The following AKR1C8 variants were observed in gnomAD, a reference collection of about 807,000 sequenced individuals.
AKR1C8 encodes aldo-keto reductase family 1 member C-like protein 1.
At chr10:5,132,128 G>A in the AKR1C8 span, among the ~76,000 whole-genome samples, 1 of 152,160 alleles carries the variant, frequency 6.6e-6, no homozygotes, top group African/African-American at 2.4e-5. Flanking sequence ...ACTAAGCTAT[G>A]AGGATGTAAA....
chr10:5,127,484 C>T, the AKR1C8 span, among the ~76,000 whole-genome samples: 2 of 151,946 alleles, frequency 1.3e-5, no homozygotes, highest in Non-Finnish European at 2.9e-5. Flanking sequence ...TTTGGGAGGC[C>T]AAGCTGGGTG....
chr10:5,158,573 A>C, the AKR1C8 span: 1 of 436,284 alleles, frequency 2.3e-6, no homozygotes, highest in Non-Finnish European at 4.8e-6. Flanking sequence ...TTCCCGCCAT[A>C]GGTTAACTCT....
At chr10:5,140,330 A>G in the AKR1C8 span, among the ~76,000 whole-genome samples, 4 of 149,920 alleles carry the variant, frequency 2.7e-5, no homozygotes, top group East Asian at 5.9e-4. Context: ...TCATGCTACT[A>G]TAAAGACACA....
the AKR1C8 span, among the ~76,000 whole-genome samples, chr10:5,172,267 T>A: frequency 1.3e-5 from 2 of 152,142 alleles, no homozygotes. Context: ...CACAGTCAAT[T>A]TCTGATATGC....
At chr10:5,176,812 T>A in the AKR1C8 span, among the ~76,000 whole-genome samples, 8 of 152,174 alleles carry the variant, frequency 5.3e-5, no homozygotes, top group Admixed American at 2.0e-4. Flanking sequence ...TGCTTGTGAT[T>A]TTTGTACATT....
chr10:5,164,630 A>C, the AKR1C8 span, among the ~76,000 whole-genome samples: 1 of 152,044 alleles, frequency 6.6e-6, no homozygotes, highest in African/African-American at 2.4e-5. Context: ...CCAGCCTTAC[A>C]AGACTCAGGG....
the AKR1C8 span, among the ~76,000 whole-genome samples, chr10:5,172,799 T>A: frequency 6.6e-6 from 1 of 152,120 alleles, no homozygotes; most frequent in South Asian, 2.1e-4. Flanking sequence ...TTATTTTCCT[T>A]AGGACAATTA....
At chr10:5,139,590 C>A in the AKR1C8 span, among the ~76,000 whole-genome samples, 1 of 152,144 alleles carries the variant, frequency 6.6e-6, no homozygotes, top group Non-Finnish European at 1.5e-5. Flanking sequence ...GGAAAACTGG[C>A]TAGCCATATA....
chr10:5,133,784 G>T, the AKR1C8 span, among the ~76,000 whole-genome samples: 1 of 152,162 alleles, frequency 6.6e-6, no homozygotes, highest in African/African-American at 2.4e-5. Context: ...ACATCTACGG[G>T]TGGCAGTCTG....
chr10:5,157,699 A>T, the AKR1C8 span: 2 of 472,838 alleles, frequency 4.2e-6, no homozygotes, highest in Admixed American at 2.3e-5. Context: ...TCCCCGCTGC[A>T]GCTGGTAGCG....
At chr10:5,172,692 G>A in the AKR1C8 span, among the ~76,000 whole-genome samples, 4 of 152,068 alleles carry the variant, frequency 2.6e-5, no homozygotes, top group African/African-American at 9.7e-5. Context: ...CAACTCTTAA[G>A]ACATTTCTAA....
At chr10:5,160,701 C>G in the AKR1C8 span, 1 of 402,518 alleles carries the variant, frequency 2.5e-6, no homozygotes, top group African/African-American at 2.1e-5. Flanking sequence ...AGAGAAGCTC[C>G]ACATCTGAGG....
chr10:5,152,555 C>A, the AKR1C8 span, among the ~76,000 whole-genome samples: 1 of 152,110 alleles, frequency 6.6e-6, no homozygotes, highest in Non-Finnish European at 1.5e-5. Flanking sequence ...CTCTAGAAAA[C>A]CTCATCTGTG....
the AKR1C8 span, among the ~76,000 whole-genome samples, chr10:5,145,223 G>C: frequency 6.6e-6 from 1 of 152,042 alleles, no homozygotes. Flanking sequence ...TTAAACGTTA[G>C]ACCTAAAACC....
chr10:5,135,219 G>T, the AKR1C8 span: 8 of 222,896 alleles, frequency 3.6e-5, no homozygotes, highest in Non-Finnish European at 7.0e-5. Flanking sequence ...CTGATATTTG[G>T]GATCCATTGA....
the AKR1C8 span, among the ~76,000 whole-genome samples, chr10:5,173,020 G>A: frequency 3.3e-5 from 5 of 152,236 alleles, no homozygotes; most frequent in East Asian, 9.7e-4. Flanking sequence ...CAGATTTTGA[G>A]AGACACTTAT....
At chr10:5,139,080 T>G in the AKR1C8 span, among the ~76,000 whole-genome samples, 1 of 152,082 alleles carries the variant, frequency 6.6e-6, no homozygotes, top group Non-Finnish European at 1.5e-5. Flanking sequence ...ATAAAATACC[T>G]AGGAATCCAA....
the AKR1C8 span, among the ~76,000 whole-genome samples, chr10:5,117,131 T>A: frequency 5.0e-5 from 1 of 19,912 alleles, no homozygotes; most frequent in African/African-American, 2.8e-4. Flanking sequence ...GGCAGTGAGC[T>A]TTTTTTTTTT....
the AKR1C8 span, among the ~76,000 whole-genome samples, chr10:5,128,718 A>C: frequency 1.3e-5 from 2 of 152,086 alleles, no homozygotes; most frequent in African/African-American, 4.8e-5. Flanking sequence ...TGATAAAAGA[A>C]TCAATCCAGC....
Sources: gnomAD v4.1 joint callset for allele counts (sites outside exome capture counted in the v4.1 genomes callset) on GRCh38, gnomAD v4.1.1 for gene constraint, MANE v1.5 for transcripts, NCBI Gene and HGNC (gene_info 2026-07-23, HGNC 2026-07-21) for gene names.